The following ARMH3 variants were observed in gnomAD, a reference collection of about 807,000 sequenced individuals.
ARMH3 encodes the protein armadillo like helical domain containing 3.
ARMH3 carries 60 observed loss-of-function variants against 99.1 expected under a neutral mutation model. The ratio of observed to expected loss-of-function variants is 0.61; its 90% CI spans 0.49 to 0.75. The LOEUF is 0.75. Ranked by LOEUF, ARMH3 falls within the 30% of genes least tolerant of loss-of-function variation. The pLI is 0.00. For missense variants in ARMH3, 679 were observed against 843.1 expected (o/e 0.81, Z 2.41); for synonymous variants, 285 against 292.8 (o/e 0.97, Z 0.27).
chr10:102,040,232 A>C (rs926807685), intron 1 of ARMH3, 107 bp from the exon 2 acceptor site: 4 of 888,938 alleles, frequency 4.5e-6, no homozygotes, highest in Admixed American at 4.0e-5. Flanking sequence ...ATACAACACC[A>C]AGAGTGAATC....
At chr10:102,053,807 C>T (rs954467528) in intron 1 of ARMH3, among the ~76,000 whole-genome samples, 3 of 151,920 alleles carry the variant, frequency 2.0e-5, no homozygotes, top group East Asian at 1.9e-4. Context: ...TACAGGCGCC[C>T]GCCACCACAC....
chr10:102,013,118 G>A (rs1197609731), intron 9 of ARMH3, among the ~76,000 whole-genome samples: 1 of 152,164 alleles, frequency 6.6e-6, no homozygotes, highest in Non-Finnish European at 1.5e-5. Context: ...ATCAAGCGGT[G>A]AAACAGACCA....
At position 102,011,722 on chromosome 10, in the gene ARMH3, C is replaced by T; in HGVS notation, c.831+1G>A. ...GGAGAAAAAAAAAAAGCAGGACTTA[C>T]CATATTTGTTAAAGCAGAGAAAAAA... On this transcript the variant is annotated splice_donor_variant, in intron 11 of 25. Coordinates refer to ENST00000370033, the MANE Select transcript of ARMH3 (RefSeq NM_024541.3). LOFTEE classifies it high-confidence loss of function. 6.2e-7 allele frequency: 1 copy of T among 1,604,618 alleles called. No homozygotes were observed. The highest frequency in any genetic ancestry group is 8.5e-7 in the Non-Finnish European group (1 of 1,175,600).
chr10:101,919,558 C>T (rs971461264), intron 23 of ARMH3, among the ~76,000 whole-genome samples: 1 of 152,096 alleles, frequency 6.6e-6, no homozygotes, highest in African/African-American at 2.4e-5. Flanking sequence ...TTAGCAGACC[C>T]CTGTAGGCTG....
chr10:101,879,885 A>G (rs757433092), intron 24 of ARMH3, among the ~76,000 whole-genome samples: 10 of 152,188 alleles, frequency 6.6e-5, no homozygotes, highest in Admixed American at 2.0e-4. Context: ...GATGCCCTAT[A>G]TAACATAAAG....
chr10:101,897,674 G>T (rs1269861217), intron 23 of ARMH3, among the ~76,000 whole-genome samples: 2 of 152,188 alleles, frequency 1.3e-5, no homozygotes, highest in African/African-American at 2.4e-5. Flanking sequence ...TAAAGCCACT[G>T]AATTAGAAAG....
chr10:101,911,856 T>G (rs967258460), intron 23 of ARMH3, among the ~76,000 whole-genome samples: 31 of 152,022 alleles, frequency 2.0e-4, no homozygotes, highest in Middle Eastern at 6.8e-3. Context: ...GCCAACATGG[T>G]GAAACCCCAT....
At chr10:102,001,127 G>A (rs1161445361) in intron 15 of ARMH3, among the ~76,000 whole-genome samples, 1 of 152,110 alleles carries the variant, frequency 6.6e-6, no homozygotes. Context: ...AGTGATGATG[G>A]TTGTACAAAA....
At chr10:102,023,892 T>G in intron 6 of ARMH3, 143 bp from the exon 7 acceptor site, 1 of 751,296 alleles carries the variant, frequency 1.3e-6, no homozygotes, top group East Asian at 2.7e-5. Flanking sequence ...AAGTGCCCCT[T>G]AAGTCATGAG....
chr10:101,896,424 T>C (rs2067837153), intron 23 of ARMH3, among the ~76,000 whole-genome samples: 1 of 152,146 alleles, frequency 6.6e-6, no homozygotes, highest in Non-Finnish European at 1.5e-5. Context: ...CAAGGAGGGT[T>C]AGGGAAGAAT....
intron 22 of ARMH3, among the ~76,000 whole-genome samples, chr10:101,956,046 C>G (rs532898671): frequency 6.6e-6 from 1 of 152,212 alleles, no homozygotes; most frequent in Non-Finnish European, 1.5e-5. Context: ...GGCCCCTATT[C>G]CAAACTTATA....
intron 22 of ARMH3, among the ~76,000 whole-genome samples, chr10:101,953,468 C>T (rs1437873900): frequency 6.6e-6 from 1 of 151,342 alleles, no homozygotes; most frequent in Non-Finnish European, 1.5e-5. Context: ...ACCATGTTAG[C>T]CAAGCTAGTC....
At chr10:102,040,527 GGAA>G (rs1188995583) in intron 1 of ARMH3, among the ~76,000 whole-genome samples, 2 of 152,318 alleles carry the variant, frequency 1.3e-5, no homozygotes, top group East Asian at 3.9e-4. Flanking sequence ...ACAACGTTTA[GGAA>G]GAAGAACTGA....
intron 4 of ARMH3, among the ~76,000 whole-genome samples, 175 bp from the exon 5 acceptor site, chr10:102,029,920 G>T (rs10786660): frequency 0.54 from 81,425 of 150,074 alleles, 22,434 homozygotes; most frequent in East Asian, 0.75. Flanking sequence ...CGGTTTTTTT[G>T]TTTGTTTGTT....
chr10:102,046,912 A>G (rs1239841621), intron 1 of ARMH3, among the ~76,000 whole-genome samples: 8 of 152,206 alleles, frequency 5.3e-5, no homozygotes, highest in East Asian at 1.9e-4. Context: ...AAATGTCTAG[A>G]TATCTTGAGT....
At chr10:101,857,168 T>C (rs1277624519) in intron 24 of ARMH3, among the ~76,000 whole-genome samples, 2 of 152,092 alleles carry the variant, frequency 1.3e-5, no homozygotes, top group Non-Finnish European at 2.9e-5. Context: ...CTAAAAGAAA[T>C]AGTGCTGGGC....
intron 24 of ARMH3, among the ~76,000 whole-genome samples, chr10:101,866,708 C>T (rs981283060): frequency 1.3e-5 from 2 of 152,016 alleles, no homozygotes; most frequent in African/African-American, 2.4e-5. Context: ...TTAAAGCAAA[C>T]AGGAAGGTGA....
intron 19 of ARMH3, among the ~76,000 whole-genome samples, chr10:101,978,163 A>G (rs1407847612): frequency 1.3e-5 from 2 of 152,206 alleles, no homozygotes; most frequent in African/African-American, 4.8e-5. Flanking sequence ...CATGCTTACA[A>G]AGAAACAGCA....
At chr10:101,966,285 GTTTTTTTTT>G (rs34196495) in intron 20 of ARMH3, among the ~76,000 whole-genome samples, 3 of 80,660 alleles carry the variant, frequency 3.7e-5, no homozygotes, top group African/African-American at 1.7e-4. Flanking sequence ...TTTGGTTTGG[GTTTTTTTTT>G]TTTTTTTTTT....
Sources: gnomAD v4.1 joint callset for allele counts (sites outside exome capture counted in the v4.1 genomes callset) on GRCh38, gnomAD v4.1.1 for gene constraint, MANE v1.5 for transcripts, NCBI Gene and HGNC (gene_info 2026-07-23, HGNC 2026-07-21) for gene names.